The following RALGAPA2 variants were observed in gnomAD, a reference collection of about 807,000 sequenced individuals.
RALGAPA2 encodes ral GTPase-activating protein subunit alpha-2.
Under a neutral mutation model 230.4 loss-of-function variants are expected in RALGAPA2, and 139 were observed. That is an observed-to-expected ratio of 0.60 (90% CI 0.53 to 0.69). The LOEUF (loss-of-function observed/expected upper bound fraction) is 0.69. RALGAPA2 is among the 30% of genes least tolerant of loss of function. The pLI is 0.00. For synonymous variants in RALGAPA2, 847 were observed against 837.8 expected, an observed-to-expected ratio of 1.01 and a Z score of -0.19; for missense variants, 2,163 against 2,276.0, an observed-to-expected ratio of 0.95 and a Z score of 1.01.
intron 3 of RALGAPA2, among the ~76,000 whole-genome samples, chr20:20,665,265 A>G (rs1256252692): frequency 6.6e-6 from 1 of 152,190 alleles, no homozygotes; most frequent in Non-Finnish European, 1.5e-5. Context: ...CCCTTAAAAG[A>G]TTCTTGGAAG....
chr20:20,495,024 C>T (rs1242828854), intron 36 of RALGAPA2, 93 bp downstream of exon 36: 2 of 1,159,280 alleles, frequency 1.7e-6, no homozygotes, highest in South Asian at 1.9e-5. Flanking sequence ...GATGAGAGTC[C>T]CCTTTAACAT....
intron 36 of RALGAPA2, among the ~76,000 whole-genome samples, chr20:20,494,547 C>T (rs963188683): frequency 6.6e-6 from 1 of 152,240 alleles, no homozygotes; most frequent in African/African-American, 2.4e-5. Flanking sequence ...ATGATCAATA[C>T]CAATTGACAT....
At chr20:20,509,771 C>T (rs972898588) in intron 33 of RALGAPA2, among the ~76,000 whole-genome samples, 1 of 152,144 alleles carries the variant, frequency 6.6e-6, no homozygotes, top group African/African-American at 2.4e-5. Context: ...CAAACAAATC[C>T]ATCTTAATAC....
intron 21 of RALGAPA2, 115 bp downstream of exon 21, chr20:20,572,758 TAA>T (rs2064686844): frequency 2.2e-6 from 2 of 891,990 alleles, no homozygotes; most frequent in Non-Finnish European, 1.6e-6. Context: ...GGACTTTGTC[TAA>T]ATGTACCATT....
At chr20:20,635,641 T>C (rs762828832) in intron 8 of RALGAPA2, 24 bp from the exon 9 acceptor site, 42 of 1,474,932 alleles carry the variant, frequency 2.8e-5, no homozygotes, top group Admixed American at 2.7e-4. Context: ...GAACACATGA[T>C]TGATTAGGTT....
At chr20:20,542,144 G>A (rs1364627656) in intron 24 of RALGAPA2, among the ~76,000 whole-genome samples, 2 of 152,120 alleles carry the variant, frequency 1.3e-5, no homozygotes, top group Admixed American at 6.5e-5. Context: ...AATCGTGAGT[G>A]AACTCCCATT....
chr20:20,711,974 C>A (rs561920914), intron 1 of RALGAPA2, among the ~76,000 whole-genome samples: 1 of 152,094 alleles, frequency 6.6e-6, no homozygotes, highest in African/African-American at 2.4e-5. Flanking sequence ...TCTCGGTCTA[C>A]TTAGGGTCTC....
At chr20:20,682,117 G>C (rs1277030402) in intron 1 of RALGAPA2, among the ~76,000 whole-genome samples, 1 of 152,164 alleles carries the variant, frequency 6.6e-6, no homozygotes, top group Admixed American at 6.5e-5. Flanking sequence ...AGCTTTTCAT[G>C]CAAAAATGTG....
intron 37 of RALGAPA2, among the ~76,000 whole-genome samples, chr20:20,428,923 C>T: frequency 6.6e-6 from 1 of 152,096 alleles, no homozygotes; most frequent in Non-Finnish European, 1.5e-5. Context: ...AAATGTTGTA[C>T]TGAGTATTAT....
intron 24 of RALGAPA2, among the ~76,000 whole-genome samples, chr20:20,541,311 C>T (rs1377822884): frequency 6.6e-6 from 1 of 152,054 alleles, no homozygotes; most frequent in African/African-American, 2.4e-5. Context: ...ACCCTATATA[C>T]ACTATGGTTT....
Position 20,608,117 on chromosome 20 carries a change from T to C in RALGAPA2, c.1801-2705A>G, listed in dbSNP as rs560629210. 9.9e-5 allele frequency among the ~76,000 whole-genome samples: 15 copies of C among 152,258 alleles called. 1 individual carries two copies. The highest frequency in any genetic ancestry group is 3.4e-4 in the African/African-American group (14 of 41,538). ...AAGTGCATAAGAGCTTCTCCAAGGTTCCTTCAGTACTGAAATTTGATGTTT... is the reference window on the plus strand; with the variant it reads ...AAGTGCATAAGAGCTTCTCCAAGGTCCCTTCAGTACTGAAATTTGATGTTT... On this transcript the variant is annotated intron_variant, in intron 14 of 39. Coordinates refer to ENST00000202677, the MANE Select transcript of RALGAPA2 (RefSeq NM_020343.4).
chr20:20,396,072 G>A (rs569990184), intron 39 of RALGAPA2, among the ~76,000 whole-genome samples: 2 of 152,354 alleles, frequency 1.3e-5, no homozygotes, highest in South Asian at 4.1e-4. Context: ...TCTGGGCAGG[G>A]CCTGGACCCC....
chr20:20,536,586 G>A (rs1401440375), intron 25 of RALGAPA2, 70 bp downstream of exon 25: 1 of 1,514,982 alleles, frequency 6.6e-7, no homozygotes. Flanking sequence ...TACACTAATG[G>A]AAGAGATAAT....
chr20:20,606,971 G>A (rs1243391923), intron 14 of RALGAPA2, among the ~76,000 whole-genome samples: 2 of 152,152 alleles, frequency 1.3e-5, no homozygotes, highest in African/African-American at 2.4e-5. Context: ...GCTTTCCTAA[G>A]CCTTGTGAAA....
chr20:20,577,961 C>G (rs2064871649), intron 20 of RALGAPA2, among the ~76,000 whole-genome samples: 1 of 152,120 alleles, frequency 6.6e-6, no homozygotes, highest in African/African-American at 2.4e-5. Context: ...GATACCTCAT[C>G]ATCACCTGCA....
chr20:20,503,281 TTGTC>T, intron 35 of RALGAPA2, 66 bp downstream of exon 35: 1 of 1,289,170 alleles, frequency 7.8e-7, no homozygotes. Context: ...ACCCTTGTAT[TTGTC>T]TGTCCTAGGA....
intron 36 of RALGAPA2, 100 bp downstream of exon 36, chr20:20,495,017 G>T: frequency 9.1e-7 from 1 of 1,094,790 alleles, no homozygotes; most frequent in Non-Finnish European, 1.3e-6. Context: ...ACAACTGGAT[G>T]AGAGTCCCCT....
At chr20:20,550,578 T>C (rs2063896560) in intron 23 of RALGAPA2, among the ~76,000 whole-genome samples, 2 of 152,212 alleles carry the variant, frequency 1.3e-5, no homozygotes, top group African/African-American at 4.8e-5. Context: ...TATTCAGCGC[T>C]GCCTCCACTG....
At chr20:20,546,135 G>C (rs1009329108) in intron 24 of RALGAPA2, among the ~76,000 whole-genome samples, 2 of 152,144 alleles carry the variant, frequency 1.3e-5, no homozygotes, top group Non-Finnish European at 2.9e-5. Context: ...GGTAAATGTA[G>C]AGAGTAAAAA....
Sources: gnomAD v4.1 joint callset for allele counts (sites outside exome capture counted in the v4.1 genomes callset) on GRCh38, gnomAD v4.1.1 for gene constraint, MANE v1.5 for transcripts, NCBI Gene and HGNC (gene_info 2026-07-23, HGNC 2026-07-21) for gene names.